Variants in TAFA1 observed in about 807,000 individuals in gnomAD.
TAFA1 encodes the protein chemokine-like protein TAFA-1.
TAFA1 carries 4 observed loss-of-function variants against 18.5 expected under a neutral mutation model. That is an observed-to-expected ratio of 0.22 (90% CI 0.11 to 0.49). The LOEUF (loss-of-function observed/expected upper bound fraction) is 0.49, where lower values mean the gene tolerates loss of function less well. Among genes scored for constraint, TAFA1 ranks in the 20% least tolerant of loss-of-function variants. The pLI is 0.98. For synonymous variants in TAFA1, 56 were observed against 55.2 expected, an observed-to-expected ratio of 1.01 and a Z score of -0.06; for missense variants, 147 against 169.0, an observed-to-expected ratio of 0.87 and a Z score of 0.72.
chr3:68,463,274 T>A (rs934504478), intron 3 of TAFA1, among the ~76,000 whole-genome samples: 17 of 152,164 alleles, frequency 1.1e-4, no homozygotes, highest in African/African-American at 4.1e-4. Context: ...ATGGATATAA[T>A]CAATAGATGT....
intron 2 of TAFA1, among the ~76,000 whole-genome samples, chr3:68,208,237 A>G (rs17827563): frequency 0.11 from 17,174 of 151,952 alleles, 1,201 homozygotes; most frequent in Admixed American, 0.2. Context: ...TTTCAATAAC[A>G]TGCAGCATCA....
intron 2 of TAFA1, among the ~76,000 whole-genome samples, chr3:68,368,456 C>T (rs911426869): frequency 8.5e-5 from 13 of 152,066 alleles, no homozygotes; most frequent in African/African-American, 2.7e-4. Context: ...GGCCTTGAAG[C>T]CCTTATATCT....
chr3:68,413,376 G>T (rs2070753119), intron 2 of TAFA1, among the ~76,000 whole-genome samples: 1 of 152,074 alleles, frequency 6.6e-6, no homozygotes, highest in Non-Finnish European at 1.5e-5. Context: ...TGCTTCTCCT[G>T]TAAAATAAAG....
intron 2 of TAFA1, among the ~76,000 whole-genome samples, chr3:68,253,916 T>A (rs72924546): frequency 0.075 from 11,487 of 152,218 alleles, 545 homozygotes; most frequent in African/African-American, 0.12. Flanking sequence ...AGATTGAAGG[T>A]CATTATCATG....
rs142389988 is a variant in TAFA1, at chr3:68,343,946, C to T, written c.119-73334C>T. On this transcript the variant is annotated intron_variant, in intron 2 of 4. Coordinates refer to ENST00000478136, the MANE Select transcript of TAFA1 (RefSeq NM_213609.4). ...GCAACCTCTGCCTCCTGGGTTCAAG[C>T]GATTCTTCTGCCTCAGCCTCCCGAG... Among the ~76,000 whole-genome samples, 1,596 of 152,224 alleles carry T rather than the reference C, an allele frequency of 0.01. 80 individuals are homozygous for T. In the East Asian group the frequency reaches 0.16, roughly 15 times the overall value.
chr3:68,502,669 T>A (rs1024995495), intron 3 of TAFA1, among the ~76,000 whole-genome samples: 1 of 152,060 alleles, frequency 6.6e-6, no homozygotes. Flanking sequence ...CCCAGCCCCA[T>A]GTACTTTTGA....
chr3:68,313,111 A>G (rs74966339), intron 2 of TAFA1, among the ~76,000 whole-genome samples: 3,933 of 152,260 alleles, frequency 0.026, 89 homozygotes, highest in East Asian at 0.097. Flanking sequence ...CATTTCCCAC[A>G]TGGTCCTCCC....
intron 2 of TAFA1, among the ~76,000 whole-genome samples, chr3:68,309,966 G>T (rs2068487509): frequency 6.6e-6 from 1 of 152,116 alleles, no homozygotes; most frequent in South Asian, 2.1e-4. Context: ...TGGCACTTTT[G>T]TGCAAATTGC....
intron 2 of TAFA1, among the ~76,000 whole-genome samples, chr3:68,274,044 G>C (rs1394322470): frequency 1.3e-5 from 2 of 152,118 alleles, no homozygotes; most frequent in Non-Finnish European, 2.9e-5. Flanking sequence ...GAGATTACCT[G>C]CCAAGAAATA....
At chr3:68,310,085 G>A (rs2068489122) in intron 2 of TAFA1, among the ~76,000 whole-genome samples, 1 of 152,118 alleles carries the variant, frequency 6.6e-6, no homozygotes, top group Non-Finnish European at 1.5e-5. Flanking sequence ...AAATCATACT[G>A]TTAGAAGTAA....
At chr3:68,383,934 A>G (rs2070034856) in intron 2 of TAFA1, among the ~76,000 whole-genome samples, 1 of 151,716 alleles carries the variant, frequency 6.6e-6, no homozygotes, top group Admixed American at 6.6e-5. Flanking sequence ...GAATTTATTC[A>G]TTTCTTCTAG....
chr3:68,382,605 T>C (rs1397972556), intron 2 of TAFA1, among the ~76,000 whole-genome samples: 4 of 152,078 alleles, frequency 2.6e-5, no homozygotes, highest in Non-Finnish European at 4.4e-5. Flanking sequence ...AGTACCATGC[T>C]GTTTTGCAGC....
At chr3:68,056,361 A>C (rs2106715044) in intron 2 of TAFA1, among the ~76,000 whole-genome samples, 1 of 152,274 alleles carries the variant, frequency 6.6e-6, no homozygotes, top group African/African-American at 2.4e-5. Flanking sequence ...GCAAATTTGA[A>C]ATGCTTTTCC....
Position 68,478,874 on chromosome 3 carries a change from T to C in TAFA1, c.260-59882T>C, listed in dbSNP as rs552821933. 6.0e-5 allele frequency among the ~76,000 whole-genome samples: 9 copies of C among 151,200 alleles called. No individual in the cohort carries two copies. The South Asian group carries it at 1.9e-3, about 32-fold the overall frequency. ...ATCAATTTTATGAAATATTGAAATA[T>C]CTTTTAGAAGTCACATATACATTTT... On this transcript the variant is annotated intron_variant, in intron 3 of 4. Transcript: ENST00000478136.
In TAFA1 at chr3:68,362,660, G is replaced by A. The variant is rs566428032; in HGVS notation, c.119-54620G>A. ...GTGGAAATGCAGTTCAACCCTTCCT[G>A]CAGTGAATGTGAAGTCATAAGGAGT... On this transcript the variant is annotated intron_variant, in intron 2 of 4. Coordinates refer to ENST00000478136, the MANE Select transcript of TAFA1 (RefSeq NM_213609.4). Among the ~76,000 whole-genome samples the A allele has an allele frequency of 2.8e-4, 43 of 152,222 alleles. No individual in the cohort carries two copies. The South Asian group carries it at 3.9e-3, about 14-fold the overall frequency.
chr3:68,030,898 G>A (rs970031010), intron 2 of TAFA1, among the ~76,000 whole-genome samples: 4 of 152,118 alleles, frequency 2.6e-5, no homozygotes, highest in African/African-American at 9.7e-5. Context: ...GGAATAGAAA[G>A]GATGTCCCCT....
intron 2 of TAFA1, among the ~76,000 whole-genome samples, chr3:68,117,862 C>A (rs2065342709): frequency 6.6e-6 from 1 of 152,120 alleles, no homozygotes; most frequent in Admixed American, 6.6e-5. Flanking sequence ...GCACAGCATA[C>A]AATTTACTAC....
chr3:68,512,666 GT>G (rs1302344112), intron 3 of TAFA1, among the ~76,000 whole-genome samples: 1 of 142,728 alleles, frequency 7.0e-6, no homozygotes, highest in East Asian at 2.1e-4. Flanking sequence ...GTTCTGGGTG[GT>G]TTTTTGCTGG....
At chr3:68,443,799 G>T (rs2071428455) in intron 3 of TAFA1, among the ~76,000 whole-genome samples, 1 of 151,994 alleles carries the variant, frequency 6.6e-6, no homozygotes, top group Non-Finnish European at 1.5e-5. Flanking sequence ...CCATATCAGG[G>T]TCTAAATGAG....
Sources: allele counts gnomAD v4.1 joint callset (sites outside exome capture counted in the v4.1 genomes callset), GRCh38; gene constraint gnomAD v4.1.1; transcripts MANE v1.5; gene names NCBI Gene and HGNC (gene_info 2026-07-23, HGNC 2026-07-21).